Variants in MOGS observed in about 807,000 individuals in gnomAD.
MOGS encodes the protein mannosyl-oligosaccharide glucosidase.
In MOGS, 45 loss-of-function variants were observed where a neutral mutation model predicts 68.5. The ratio of observed to expected loss-of-function variants is 0.66; its 90% CI spans 0.52 to 0.84. MOGS has a LOEUF of 0.84. Among genes scored for constraint, MOGS ranks in the 40% least tolerant of loss-of-function variants. The pLI, the probability that MOGS is intolerant of heterozygous loss-of-function variation, is 0.00. For missense variants in MOGS, 1,020 were observed against 1,095.0 expected (o/e 0.93, Z 0.97); for synonymous variants, 492 against 461.2 (o/e 1.07, Z -0.86).
In MOGS at chr2:74,464,721, T is replaced by C; in HGVS notation, c.354A>G (p.Gly118=). The change falls in exon 2 of 4, where the codon GGA becomes GGG. Residue 118 remains glycine (G), a splice_region_variant and synonymous_variant. Transcript: ENST00000448666. ...KTRSPKPLLT[G]LMWAQQGTTP... Reference sequence around the variant, plus strand: ...TGGTGCCCTGCTGCGCCCACATCAGTCCTGGGGGTAGAATGGCCACGTAAG... The same window carrying C: ...TGGTGCCCTGCTGCGCCCACATCAGCCCTGGGGGTAGAATGGCCACGTAAG... The C allele has an allele frequency of 6.2e-7, 1 of 1,610,622 alleles. No individual in the cohort carries two copies. The highest frequency in any genetic ancestry group is 8.5e-7 in the Non-Finnish European group (1 of 1,177,652).
Position 74,461,057 on chromosome 2 carries a change from T to C in MOGS, c.*218A>G. ...GGTGAGGCAAATCTGGCAAAAGCAA[T>C]AGAGTTCAAAATGTTTTTTCCAATT... On this transcript the variant is annotated 3_prime_UTR_variant, in exon 4 of 4. Transcript: ENST00000448666. 1.5e-6 allele frequency: 1 copy of C among 662,880 alleles called. No individual in the cohort carries two copies. The highest frequency in any genetic ancestry group is 2.6e-6 in the Non-Finnish European group (1 of 389,602). The allele number at this position is 662,880 out of a possible 1,614,324, so 41.1% of individuals were successfully genotyped here.
At position 74,462,069 on chromosome 2, in the gene MOGS, T is replaced by G. The variant is rs1281284029; in HGVS notation, c.1720A>C (p.Asn574His). ...GRDPALPTLLNPKTLPSGLDD... is the reference protein window; with the variant it reads ...GRDPALPTLLHPKTLPSGLDD... The stretch of plus-strand genomic sequence containing the variant: ...AGCCCAGAGGGTAGGGTCTTGGGGT[T>G]CAGTAAGGTTGGTAAGGCAGGGTCC... The change falls in exon 4 of 4, where the codon AAC (asparagine) becomes CAC (histidine). Residue 574 changes from asparagine to histidine, a missense_variant. Asn to His is a moderately conservative substitution (Grantham distance 68). This residue lies in a region of MOGS where 181 missense variants were observed against 261.8 expected (regional missense o/e 0.69). Transcript: ENST00000448666. 5 of 1,613,950 alleles carry G rather than the reference T, an allele frequency of 3.1e-6. No individual in the cohort carries two copies. The highest frequency in any genetic ancestry group is 8.5e-7 in the Non-Finnish European group (1 of 1,179,992).
chr2:74,462,043 C>T lies in MOGS; in HGVS notation c.1746G>A (p.Leu582=). The T allele has an allele frequency of 6.2e-7, 1 of 1,614,176 alleles. No individual in the cohort carries two copies. The highest frequency in any genetic ancestry group is 8.5e-7 in the Non-Finnish European group (1 of 1,180,014). The part of the protein sequence containing the change: ...LLNPKTLPSG[L]DDYPRASHPS... ...GGTGTGAAGCCCGGGGGTAGTCATC[C>T]AGCCCAGAGGGTAGGGTCTTGGGGT... The change falls in exon 4 of 4, where the codon CTG becomes CTA. Residue 582 remains leucine (L), a synonymous_variant. Transcript: ENST00000448666.
At position 74,461,776 on chromosome 2, in the gene MOGS, C is replaced by T; in HGVS notation, c.2013G>A (p.Gly671=). ...GGGGCCGACCCACCACCCGAACGAG[C>T]CCCTGAGGGGGCCTGGGCTTCAGCT... is the stretch of plus-strand genomic sequence containing the variant. ...AVQLKPRPPQ[G]LVRVVGRPQP... Residue 671 remains glycine (G), a synonymous_variant, in exon 4 of 4, where the codon GGG becomes GGA. Coordinates refer to ENST00000448666, the MANE Select transcript of MOGS (RefSeq NM_006302.3). 1 of 1,614,226 alleles carries T rather than the reference C, an allele frequency of 6.2e-7. No homozygotes were observed.
Position 74,463,578 on chromosome 2 carries a change from C to A in MOGS, c.580-192G>T, listed in dbSNP as rs1198370022. On this transcript the variant is annotated intron_variant, in intron 2 of 3. Transcript: ENST00000448666. ...AAGCGGGATGAGATAAAGAGCCTTGCACTGGGTGCCCTGGGAGATAACAGT... is the reference window on the plus strand; with the variant it reads ...AAGCGGGATGAGATAAAGAGCCTTGAACTGGGTGCCCTGGGAGATAACAGT... 9.6e-6 allele frequency: 6 copies of A among 627,284 alleles called. No individual in the cohort carries two copies. The African/African-American group carries it at 1.1e-4, about 11-fold the overall frequency. 38.9% of individuals were successfully genotyped at this position (627,284 alleles called of 1,614,324 possible).
In MOGS at chr2:74,462,958, T is replaced by C. The variant is rs759331164; in HGVS notation, c.831A>G (p.Val277=). The change falls in exon 4 of 4, where the codon GTA becomes GTG. Residue 277 remains valine (V), a synonymous_variant. Transcript: ENST00000448666. The part of the protein sequence containing the change: ...NPGLPLLTEM[V]KSRLNSWFQH... ...GAAACCAGCTATTTAGGCGACTCTT[T>C]ACCATCTCTGTCAGCAGGGGCAGTC... The C allele has an allele frequency of 9.3e-6, 15 of 1,614,078 alleles. No homozygotes were observed. In the South Asian group the frequency reaches 1.6e-4, roughly 18 times the overall value.
chr2:74,462,795 T>G lies in MOGS; in HGVS notation c.994A>C (p.Ile332Leu), dbSNP rs761887713. The change falls in exon 4 of 4, where the codon ATA becomes CTA. Residue 332 changes from isoleucine (I) to leucine (L), a missense_variant. Transcript: ENST00000448666. The part of the protein sequence containing the change: ...QQVTLKIPIS[I>L]EFVFESGSAQ... ...CTGCCTGATTCAAACACAAACTCTA[T>G]GGAAATGGGAATTTTCAGGGTCACC... is the stretch of plus-strand genomic sequence containing the variant. 3.7e-6 allele frequency: 6 copies of G among 1,614,196 alleles called. No individual in the cohort carries two copies. The highest frequency in any genetic ancestry group is 1.7e-5 in the Admixed American group (1 of 60,026).
rs1671930702 is a variant in MOGS at position 74,462,176 on chromosome 2, A to C, written c.1613T>G (p.Leu538Trp). 6.2e-7 allele frequency: 1 copy of C among 1,614,014 alleles called. No individual in the cohort carries two copies. The highest frequency in any genetic ancestry group is 8.5e-7 in the Non-Finnish European group (1 of 1,179,984). The change falls in exon 4 of 4, where the codon TTG (leucine) becomes TGG (tryptophan). Residue 538 changes from leucine (L) to tryptophan (W), a missense_variant. Transcript: ENST00000448666. ...PDDLAFLRKA[L>W]PRLHAWFSWL... ...GGAAAACCAGGCATGCAGGCGGGGC[A>C]AGGCCTTTCGGAGGAAAGCCAAGTC...
At position 74,465,318 on chromosome 2, in the gene MOGS, C is replaced by T. The variant is rs1672039610; in HGVS notation, c.-71G>A. ...GGAGCCCGGGTCCTGCCTCACCTCT[C>T]CGGCTCCCGCCTCTCGCCCTGGCGA... On this transcript the variant is annotated 5_prime_UTR_variant, in exon 1 of 4. Coordinates refer to ENST00000448666, the MANE Select transcript of MOGS (RefSeq NM_006302.3). 8.7e-7 allele frequency: 1 copy of T among 1,143,198 alleles called. No individual in the cohort carries two copies. Among genetic ancestry groups the T allele is most frequent in the Non-Finnish European group, 1.1e-6 (1 of 882,928 alleles). The allele number at this position is 1,143,198 out of a possible 1,614,324, so 70.8% of individuals were successfully genotyped here. A position where few individuals can be genotyped will look rare whatever the true frequency, so the allele number is the denominator to read the frequency against.
Position 74,465,310 on chromosome 2 carries a change from T to A in MOGS, c.-63A>T. 1 of 1,247,930 alleles carries A rather than the reference T, an allele frequency of 8.0e-7. No individual in the cohort carries two copies. The highest frequency in any genetic ancestry group is 1.0e-6 in the Non-Finnish European group (1 of 973,454). The allele number at this position is 1,247,930 out of a possible 1,614,324, so 77.3% of individuals were successfully genotyped here. On this transcript the variant is annotated 5_prime_UTR_variant, in exon 1 of 4. Coordinates refer to ENST00000448666, the MANE Select transcript of MOGS (RefSeq NM_006302.3). ...GCGGCAGTGGAGCCCGGGTCCTGCC[T>A]CACCTCTCCGGCTCCCGCCTCTCGC...
At position 74,462,520 on chromosome 2, in the gene MOGS, C is replaced by T. The variant is rs1671950591; in HGVS notation, c.1269G>A (p.Lys423=). 2 of 1,608,192 alleles carry T rather than the reference C, an allele frequency of 1.2e-6. No homozygotes were observed. Among genetic ancestry groups the T allele is most frequent in the Non-Finnish European group, 1.7e-6 (2 of 1,176,148 alleles). Residue 423 remains lysine, a synonymous_variant, in exon 4 of 4, where the codon AAG becomes AAA. Coordinates refer to ENST00000448666, the MANE Select transcript of MOGS (RefSeq NM_006302.3). ...CGGGTGGAAAGAGGGCTGGGTCCAC[C>T]TTCTGCTCAGACCCTTCCACCCCGA... ...PDIGVEGSEQ[K]VDPALFPPVP... is the part of the protein sequence containing the mutation.
Position 74,465,250 on chromosome 2 carries a change from T to C in MOGS, c.-3A>G. The C allele has an allele frequency of 7.0e-7, 1 of 1,437,696 alleles. No individual in the cohort carries two copies. The highest frequency in any genetic ancestry group is 2.7e-5 in the East Asian group (1 of 37,448). 89.1% of individuals were successfully genotyped at this position (1,437,696 alleles called of 1,614,324 possible). ...CGCCGCCGCTCGCCCCGAGCCATCCTGGCACTGAGGTCCGCGTCACAAGAG... is the reference window on the plus strand; with the variant it reads ...CGCCGCCGCTCGCCCCGAGCCATCCCGGCACTGAGGTCCGCGTCACAAGAG... On this transcript the variant is annotated 5_prime_UTR_variant, in exon 1 of 4. Coordinates refer to ENST00000448666, the MANE Select transcript of MOGS (RefSeq NM_006302.3).
In MOGS at chr2:74,461,816, T is replaced by C; in HGVS notation, c.1973A>G (p.His658Arg). 1 of 1,614,180 alleles carries C rather than the reference T, an allele frequency of 6.2e-7. No individual in the cohort carries two copies. Among genetic ancestry groups the C allele is most frequent in the Non-Finnish European group, 8.5e-7 (1 of 1,180,030 alleles). Reference protein sequence around the residue: ...ELGVFADFGNHTKAVQLKPRP... With the variant: ...ELGVFADFGNRTKAVQLKPRP... ...GGGCTTCAGCTGTACTGCTTTTGTGTGGTTCCCAAAGTCTGCAAAGACTCC... is the reference window on the plus strand; with the variant it reads ...GGGCTTCAGCTGTACTGCTTTTGTGCGGTTCCCAAAGTCTGCAAAGACTCC... The change falls in exon 4 of 4, where the codon CAC (histidine) becomes CGC (arginine). Residue 658 changes from histidine (H) to arginine (R), a missense_variant. Physicochemically the swap from His to Arg is conservative, Grantham distance 29. Coordinates refer to ENST00000448666, the MANE Select transcript of MOGS (RefSeq NM_006302.3).
At position 74,461,774 on chromosome 2, in the gene MOGS, A is replaced by G; in HGVS notation, c.2015T>C (p.Leu672Pro). ...VQLKPRPPQG[L>P]VRVVGRPQPQ... ...TTGGGGCCGACCCACCACCCGAACG[A>G]GCCCCTGAGGGGGCCTGGGCTTCAG... The change falls in exon 4 of 4, where the codon CTC becomes CCC. Residue 672 changes from leucine (L) to proline (P), a missense_variant. Transcript: ENST00000448666. The G allele has an allele frequency of 6.2e-7, 1 of 1,614,216 alleles. No individual in the cohort carries two copies. Among genetic ancestry groups the G allele is most frequent in the East Asian group, 2.2e-5 (1 of 44,882 alleles).
intron 2 of MOGS, 126 bp from the exon 3 acceptor site, chr2:74,463,512 C>G: frequency 9.8e-7 from 1 of 1,020,310 alleles, no homozygotes; most frequent in Non-Finnish European, 1.5e-6. Context: ...CAACATACGT[C>G]TGGCAGTAAT....
At chr2:74,463,505 C>T (rs1671987166) in intron 2 of MOGS, 119 bp from the exon 3 acceptor site, 2 of 1,071,946 alleles carry the variant, frequency 1.9e-6, no homozygotes, top group African/African-American at 1.6e-5. Context: ...ATGTAAACAA[C>T]ATACGTCTGG....
At chr2:74,464,044 C>T (rs1672002121) in intron 2 of MOGS, among the ~76,000 whole-genome samples, 1 of 151,236 alleles carries the variant, frequency 6.6e-6, no homozygotes, top group Admixed American at 6.6e-5. Flanking sequence ...AGCGCAACCT[C>T]CACCTCCCTG....
In MOGS at chr2:74,464,679, C is replaced by T. The variant is rs755596992; in HGVS notation, c.396G>A (p.Lys132=). The T allele has an allele frequency of 7.4e-6, 12 of 1,613,872 alleles. No homozygotes were observed. Among genetic ancestry groups the T allele is most frequent in the Non-Finnish European group, 8.5e-6 (10 of 1,179,900 alleles). The change falls in exon 2 of 4, where the codon AAG becomes AAA. Residue 132 remains lysine (K), a synonymous_variant. Transcript: ENST00000448666. ...CCCCCTGCTCACACGTGTGCCTGAG[C>T]TTAGGAGTCCCCGGGGTGGTGCCCT... ...AQQGTTPGTP[K]LRHTCEQGDG...
rs765502451 is a variant in MOGS at position 74,463,203 on chromosome 2, G to A, written c.763C>T (p.Pro255Ser). The change falls in exon 3 of 4, where the codon CCC becomes TCC. Residue 255 changes from proline (P) to serine (S), a missense_variant. Pro to Ser is a moderately conservative substitution (Grantham distance 74, BLOSUM62 -1). Around this residue, in one of 3 missense-constraint regions of MOGS, gnomAD observed 569 missense variants for 571.9 expected, o/e 0.99. Coordinates refer to ENST00000448666, the MANE Select transcript of MOGS (RefSeq NM_006302.3). ...LPPTSPGDTA[P>S]KYGSYNVFWT... is the part of the protein sequence containing the mutation. ...TCCCCCAGTTACCTGCCATACTTGG[G>A]GGCTGTATCCCCTGGACTGGTTGGT... 1 of 1,614,108 alleles carries A rather than the reference G, an allele frequency of 6.2e-7. No homozygotes were observed. Among genetic ancestry groups the A allele is most frequent in the Non-Finnish European group, 8.5e-7 (1 of 1,180,020 alleles).
Sources: gnomAD v4.1 joint callset for allele counts (sites outside exome capture counted in the v4.1 genomes callset) on GRCh38, gnomAD v4.1.1 for gene constraint, gnomAD v4.1.1 regional missense constraint, MANE v1.5 for transcripts, NCBI Gene and HGNC (gene_info 2026-07-23, HGNC 2026-07-21) for gene names.